The following FBN3 variants were observed in gnomAD, a reference collection of about 807,000 sequenced individuals.
The protein encoded by FBN3 is fibrillin-3.
Under a neutral mutation model 330.1 loss-of-function variants are expected in FBN3, and 234 were observed. The observed-to-expected ratio is 0.71, with a 90% CI of 0.64 to 0.79. FBN3 has a LOEUF of 0.79. Among genes scored for constraint, FBN3 ranks in the 30% least tolerant of loss-of-function variants. The pLI, the probability that FBN3 is intolerant of heterozygous loss-of-function variation, is 0.00. For missense variants in FBN3, 3,606 were observed against 3,886.9 expected (o/e 0.93, Z 1.92); for synonymous variants, 1,458 against 1,517.3 (o/e 0.96, Z 0.91).
At chr19:8,105,459 T>C (rs11880979) in intron 38 of FBN3, among the ~76,000 whole-genome samples, 5,730 of 152,124 alleles carry the variant, frequency 0.038, 364 homozygotes, top group African/African-American at 0.13. Context: ...GGTTTTGCCA[T>C]GTTGCCCAGG....
intron 59 of FBN3, among the ~76,000 whole-genome samples, chr19:8,080,697 C>A (rs1375076566): frequency 2.6e-5 from 4 of 152,120 alleles, no homozygotes; most frequent in South Asian, 2.1e-4. Flanking sequence ...CAGCTCACTG[C>A]AACCTCTGCC....
chr19:8,122,614 G>A (rs904688615), intron 24 of FBN3, among the ~76,000 whole-genome samples: 1 of 150,822 alleles, frequency 6.6e-6, no homozygotes, highest in Non-Finnish European at 1.5e-5. Flanking sequence ...TGATCCATCT[G>A]CCTTGGCCTC....
intron 59 of FBN3, among the ~76,000 whole-genome samples, chr19:8,078,250 G>A (rs112834136): frequency 3.3e-5 from 5 of 152,266 alleles, no homozygotes; most frequent in African/African-American, 1.2e-4. Context: ...GCCACTGTCT[G>A]TTGTATCAAT....
intron 62 of FBN3, among the ~76,000 whole-genome samples, chr19:8,072,550 G>T (rs1425997275): frequency 1.3e-5 from 2 of 152,074 alleles, no homozygotes; most frequent in African/African-American, 4.8e-5. Flanking sequence ...GTGCTCGTAG[G>T]AATGTGTGAA....
chr19:8,123,378 G>C (rs1006374405), intron 24 of FBN3, 86 bp downstream of exon 24: 1 of 1,338,330 alleles, frequency 7.5e-7, no homozygotes, highest in Non-Finnish European at 1.0e-6. Flanking sequence ...AGAAGAAAAA[G>C]AACAGGTGTT....
In FBN3 at chr19:8,095,519, G is replaced by C; in HGVS notation, c.5657-16C>G. 1 of 1,609,894 alleles carries C rather than the reference G, an allele frequency of 6.2e-7. No individual in the cohort carries two copies. Among genetic ancestry groups the C allele is most frequent in the Non-Finnish European group, 8.5e-7 (1 of 1,177,882 alleles). On this transcript the variant is annotated splice_polypyrimidine_tract_variant and intron_variant, in intron 45 of 63. Coordinates refer to ENST00000600128, the MANE Select transcript of FBN3 (RefSeq NM_032447.5). ...TCATCAAAATCTGTAGAGGGGAGAT[G>C]GGCAGGCCAGTTCACCCACAAAACT...
intron 45 of FBN3, 112 bp from the exon 46 acceptor site, chr19:8,095,615 A>C: frequency 8.6e-7 from 1 of 1,160,392 alleles, no homozygotes; most frequent in South Asian, 1.5e-5. Context: ...CTTCAACTTG[A>C]GCACTCATGT....
At chr19:8,135,937 CCCA>C in intron 13 of FBN3, 21 bp downstream of exon 13, 2 of 116,772 alleles carry the variant, frequency 1.7e-5, no homozygotes, top group Non-Finnish European at 3.3e-5. Flanking sequence ...GAAGCCCCTG[CCCA>C]CCCGCCCACC....
chr19:8,067,893 T>A (rs1366065909), intron 63 of FBN3, among the ~76,000 whole-genome samples: 3 of 151,410 alleles, frequency 2.0e-5, no homozygotes, highest in Admixed American at 6.6e-5. Context: ...TGAAACTCTG[T>A]CTCTACTAAA....
At position 8,105,188 on chromosome 19, in the gene FBN3, C is replaced by T. The variant is rs193084967; in HGVS notation, c.4813+920G>A. On this transcript the variant is annotated intron_variant, in intron 38 of 63. Transcript: ENST00000600128. The stretch of plus-strand genomic sequence containing the variant: ...CAGGCTGGTCTCGAACTCCTGACCT[C>T]GTGATCTGCCCACCTCGGCCTCCCA... Among the ~76,000 whole-genome samples, 293 of 151,664 alleles carry T rather than the reference C, an allele frequency of 1.9e-3. 4 individuals carry two copies. Among genetic ancestry groups the T allele is most frequent in the African/African-American group, 7.0e-3 (289 of 41,350 alleles).
At chr19:8,101,121 A>G in intron 40 of FBN3, 149 bp from the exon 41 acceptor site, 2 of 547,456 alleles carry the variant, frequency 3.7e-6, no homozygotes, top group South Asian at 2.5e-5. Flanking sequence ...CCCTCCTTCC[A>G]CTTATTTAAT....
At chr19:8,089,435 T>G in intron 51 of FBN3, 110 bp downstream of exon 51, 3 of 1,228,896 alleles carry the variant, frequency 2.4e-6, no homozygotes, top group African/African-American at 3.0e-5. Flanking sequence ...GAGGCAGTGG[T>G]TAAGGACAGG....
rs2082529512 is a variant in FBN3, at chr19:8,109,550, C to T, written c.4456+81G>A. 6.5e-7 allele frequency: 1 copy of T among 1,546,128 alleles called. No homozygotes were observed. Among genetic ancestry groups the T allele is most frequent in the Non-Finnish European group, 8.8e-7 (1 of 1,139,976 alleles). The stretch of plus-strand genomic sequence containing the variant: ...GAGCAGGTAGATTTGAACACGTTGA[C>T]ATCTGAGTTAACCCAGTGGGGCAAT... On this transcript the variant is annotated intron_variant, in intron 35 of 63. Coordinates refer to ENST00000600128, the MANE Select transcript of FBN3 (RefSeq NM_032447.5). This position sits in a 1 kb window ranked among gnomAD's most constrained non-coding sequence, Gnocchi z 5.2.
Position 8,096,106 on chromosome 19 carries a change from A to G in FBN3, c.5540-26T>C, listed in dbSNP as rs755160690. ...CTGCAGAAGCAAAGCCGAGAGCCCA[A>G]CCCAGCTCACCCAGGGCATTGGGGA... On this transcript the variant is annotated intron_variant, in intron 44 of 63. Transcript: ENST00000600128. This position sits in a 1 kb window ranked among gnomAD's most constrained non-coding sequence, Gnocchi z 4.6. 5 of 1,550,642 alleles carry G rather than the reference A, an allele frequency of 3.2e-6. No homozygotes were observed. In the African/African-American group the frequency reaches 4.1e-5, roughly 13 times the overall value.
At chr19:8,073,599 G>A (rs2081573204) in intron 61 of FBN3, among the ~76,000 whole-genome samples, 1 of 152,214 alleles carries the variant, frequency 6.6e-6, no homozygotes, top group Non-Finnish European at 1.5e-5. Context: ...TCATTCTCTA[G>A]GGAGGAGGCC....
chr19:8,123,838 G>T lies in FBN3; in HGVS notation c.2902C>A (p.Arg968=). The change falls in exon 23 of 64, where the codon CGG becomes AGG. Residue 968 remains arginine (R), a synonymous_variant. Coordinates refer to ENST00000600128, the MANE Select transcript of FBN3 (RefSeq NM_032447.5). ...TCCCGGCTGGCGAAGCCCAGCCCCC[G>T]CGGGCACAGGCTGGCGAACTCCAGA... is the stretch of plus-strand genomic sequence containing the variant. ...ESLEFASLCP[R]GLGFASRDFL... 1 of 1,613,170 alleles carries T rather than the reference G, an allele frequency of 6.2e-7. No homozygotes were observed. Among genetic ancestry groups the T allele is most frequent in the Non-Finnish European group, 8.5e-7 (1 of 1,179,942 alleles).
Position 8,111,948 on chromosome 19 carries a change from G to T in FBN3, c.3961+29C>A, listed in dbSNP as rs80164744. The T allele has an allele frequency of 2.2e-3, 2,783 of 1,283,234 alleles. 55 individuals are homozygous for T. In the African/African-American group the frequency reaches 0.041, roughly 19 times the overall value. 79.5% of individuals were successfully genotyped at this position (1,283,234 alleles called of 1,614,324 possible). A position where few individuals can be genotyped will look rare whatever the true frequency, so the allele number is the denominator to read the frequency against. On this transcript the variant is annotated intron_variant, in intron 31 of 63. Coordinates refer to ENST00000600128, the MANE Select transcript of FBN3 (RefSeq NM_032447.5). ...GCCCCCCACCTACCTCTACTGCTTT[G>T]CCCCCACTCCCTGCCCCCAGGTACT...
intron 51 of FBN3, among the ~76,000 whole-genome samples, chr19:8,089,046 G>A (rs2082032489): frequency 6.6e-6 from 1 of 151,916 alleles, no homozygotes; most frequent in Non-Finnish European, 1.5e-5. Context: ...GAGTGAATGA[G>A]TGAATAAGTG....
intron 22 of FBN3, among the ~76,000 whole-genome samples, chr19:8,124,394 C>T (rs1263993810): frequency 2.1e-5 from 3 of 144,852 alleles, no homozygotes; most frequent in Non-Finnish European, 4.5e-5. Context: ...CAGGTGTGTG[C>T]CACCACACCC....
Sources: allele counts gnomAD v4.1 joint callset (sites outside exome capture counted in the v4.1 genomes callset), GRCh38; gene constraint gnomAD v4.1.1; non-coding constraint Gnocchi (gnomAD v3.1); transcripts MANE v1.5; gene names NCBI Gene and HGNC (gene_info 2026-07-23, HGNC 2026-07-21).